SOX6: variants seen among roughly 807,000 people sequenced by gnomAD.
SOX6 encodes the protein SRY-box transcription factor 6.
In SOX6, 11 loss-of-function variants were observed where a neutral mutation model predicts 97.8. That is an observed-to-expected ratio of 0.11 (90% CI 0.07 to 0.19). SOX6 has a LOEUF of 0.19. Among genes scored for constraint, SOX6 ranks in the 10% least tolerant of loss-of-function variants. The pLI is 1.00. For missense variants in SOX6, 810 were observed against 1,039.5 expected, an observed-to-expected ratio of 0.78 and a Z score of 3.04; for synonymous variants, 360 against 371.4, an observed-to-expected ratio of 0.97 and a Z score of 0.35.
At chr11:16,416,535 A>C (rs1858929658) in intron 1 of SOX6, among the ~76,000 whole-genome samples, 1 of 152,198 alleles carries the variant, frequency 6.6e-6, no homozygotes, top group Non-Finnish European at 1.5e-5. Context: ...TAAAGTCTGA[A>C]AATCTGCCCC....
At chr11:16,665,089 G>A (rs1189925153) in intron 3 of SOX6, among the ~76,000 whole-genome samples, 1 of 151,974 alleles carries the variant, frequency 6.6e-6, no homozygotes, top group African/African-American at 2.4e-5. Context: ...AAAACTGGGA[G>A]ACTTGCTGGC....
intron 3 of SOX6, among the ~76,000 whole-genome samples, chr11:16,280,803 G>A (rs980854626): frequency 1.3e-5 from 2 of 151,964 alleles, no homozygotes; most frequent in African/African-American, 4.8e-5. Context: ...CATATTGTAT[G>A]GTTATATGTA....
At chr11:16,190,732 G>GA (rs979031289) in intron 4 of SOX6, among the ~76,000 whole-genome samples, 1 of 152,046 alleles carries the variant, frequency 6.6e-6, no homozygotes, top group African/African-American at 2.4e-5. Context: ...TCAAATTAGG[G>GA]AAAAAACACC....
intron 3 of SOX6, among the ~76,000 whole-genome samples, chr11:16,686,039 T>C (rs1473225239): frequency 6.6e-6 from 1 of 152,186 alleles, no homozygotes; most frequent in African/African-American, 2.4e-5. Flanking sequence ...ATGCGGAAGG[T>C]TGTGTCTCAA....
At chr11:16,373,458 T>C (rs1857546713) in intron 1 of SOX6, among the ~76,000 whole-genome samples, 1 of 152,104 alleles carries the variant, frequency 6.6e-6, no homozygotes, top group South Asian at 2.1e-4. Context: ...GGGTTACTCT[T>C]TCACTACTAA....
At chr11:16,099,542 C>G (rs932933169) in intron 7 of SOX6, among the ~76,000 whole-genome samples, 11 of 151,652 alleles carry the variant, frequency 7.3e-5, no homozygotes, top group Non-Finnish European at 1.0e-4. Flanking sequence ...ATTATTCATA[C>G]TAACTCTAAA....
chr11:16,554,706 CCTT>C (rs1847731588), intron 4 of SOX6, among the ~76,000 whole-genome samples: 1 of 152,038 alleles, frequency 6.6e-6, no homozygotes, highest in Admixed American at 6.6e-5. Context: ...TTCCTTTTGT[CCTT>C]CTGCTATTTC....
intron 4 of SOX6, among the ~76,000 whole-genome samples, chr11:16,560,569 GTT>G: frequency 9.0e-6 from 1 of 111,726 alleles, no homozygotes; most frequent in Non-Finnish European, 2.0e-5. Flanking sequence ...GTACATATAT[GTT>G]TATACGTACA....
intron 4 of SOX6, among the ~76,000 whole-genome samples, chr11:16,516,836 G>A (rs1215681814): frequency 5.3e-5 from 8 of 151,514 alleles, no homozygotes; most frequent in Non-Finnish European, 8.8e-5. Flanking sequence ...TATGAGGACA[G>A]CATCATTCTG....
intron 1 of SOX6, among the ~76,000 whole-genome samples, chr11:16,366,426 C>T (rs1004775023): frequency 1.2e-4 from 18 of 152,066 alleles, no homozygotes; most frequent in Admixed American, 8.5e-4. Context: ...GAAAAAGATG[C>T]AAATAATCTC....
intron 12 of SOX6, among the ~76,000 whole-genome samples, chr11:16,040,030 A>T (rs915138053): frequency 2.6e-5 from 4 of 152,024 alleles, no homozygotes; most frequent in Non-Finnish European, 5.9e-5. Flanking sequence ...CATAATTAGT[A>T]AGTTTGCTCC....
Position 15,968,695 on chromosome 11 carries a change from C to T in SOX6, c.*4114G>A, listed in dbSNP as rs372090914. The T allele has an allele frequency of 3.9e-5, 6 of 152,308 alleles. No individual in the cohort carries two copies. The highest frequency in any genetic ancestry group is 1.9e-4 in the East Asian group (1 of 5,174). The allele number at this position is 152,308 out of a possible 1,614,324, so 9.4% of individuals were successfully genotyped here. A position where few individuals can be genotyped will look rare whatever the true frequency, so the allele number is the denominator to read the frequency against. On this transcript the variant is annotated 3_prime_UTR_variant, in exon 16 of 16. Coordinates refer to ENST00000683767, the MANE Select transcript of SOX6 (RefSeq NM_001367873.1). ...CCCTTTTCAAACACCCTCAGGCTCC[C>T]GTGGGGCTAATGTTCAGGGGAGGCC...
chr11:16,326,386 A>G (rs1856091675), intron 2 of SOX6, among the ~76,000 whole-genome samples: 2 of 152,064 alleles, frequency 1.3e-5, no homozygotes, highest in African/African-American at 4.8e-5. Flanking sequence ...TTTCAGCAGG[A>G]AAAAAACAAC....
chr11:16,545,997 A>G (rs1305931787), intron 4 of SOX6, among the ~76,000 whole-genome samples: 1 of 152,142 alleles, frequency 6.6e-6, no homozygotes, highest in South Asian at 2.1e-4. Flanking sequence ...AAGAAGTTCA[A>G]TAAAGTTGCA....
intron 6 of SOX6, among the ~76,000 whole-genome samples, chr11:16,151,162 A>T (rs1850448036): frequency 6.6e-6 from 1 of 152,138 alleles, no homozygotes; most frequent in Non-Finnish European, 1.5e-5. Context: ...TTTTAATGAC[A>T]TTGGGTCACA....
intron 3 of SOX6, among the ~76,000 whole-genome samples, chr11:16,711,190 G>A (rs118173365): frequency 1.6e-4 from 24 of 152,244 alleles, no homozygotes; most frequent in Admixed American, 4.6e-4. Context: ...TGTAATAAGA[G>A]TAAATGTCTT....
At chr11:16,289,329 A>T (rs1024371625) in intron 3 of SOX6, among the ~76,000 whole-genome samples, 20 of 151,960 alleles carry the variant, frequency 1.3e-4, no homozygotes, top group African/African-American at 4.8e-4. Context: ...GTGCATATGA[A>T]GTAACTGACA....
intron 2 of SOX6, among the ~76,000 whole-genome samples, chr11:16,328,343 G>A (rs191217973): frequency 6.6e-6 from 1 of 152,208 alleles, no homozygotes; most frequent in Admixed American, 6.5e-5. Context: ...TGACTGGAGG[G>A]AATTAAGGAG....
chr11:16,183,209 T>A (rs1022997263), intron 6 of SOX6, among the ~76,000 whole-genome samples: 1 of 151,976 alleles, frequency 6.6e-6, no homozygotes, highest in African/African-American at 2.4e-5. Flanking sequence ...AACCATCAAG[T>A]ATCTAAAAGA....
Sources: gnomAD v4.1 joint callset for allele counts (sites outside exome capture counted in the v4.1 genomes callset) on GRCh38, gnomAD v4.1.1 for gene constraint, MANE v1.5 for transcripts, NCBI Gene and HGNC (gene_info 2026-07-23, HGNC 2026-07-21) for gene names.